The following ARHGAP6 variants were observed in gnomAD, a reference collection of about 807,000 sequenced individuals.
ARHGAP6 encodes Rho GTPase activating protein 6, also known as rho GTPase-activating protein 6.
Under a neutral mutation model 55.7 loss-of-function variants are expected in ARHGAP6, and 16 were observed. The ratio of observed to expected loss-of-function variants is 0.29; its 90% CI spans 0.19 to 0.44. The LOEUF (loss-of-function observed/expected upper bound fraction) is 0.44. Ranked by LOEUF, ARHGAP6 falls within the 20% of genes least tolerant of loss-of-function variation. ARHGAP6 has a pLI of 1.00. For synonymous variants in ARHGAP6, 382 were observed against 360.9 expected, an observed-to-expected ratio of 1.06 and a Z score of -0.66; for missense variants, 698 against 808.9, an observed-to-expected ratio of 0.86 and a Z score of 1.66.
chrX:11,156,797 T>G (rs2045870636), intron 9 of ARHGAP6, among the ~76,000 whole-genome samples, 171 bp from the exon 10 acceptor site: 1 of 112,639 alleles, frequency 8.9e-6, no homozygotes, highest in African/African-American at 3.2e-5. Flanking sequence ...GCTTTAATTC[T>G]TAGGACCAAC....
At chrX:11,353,331 G>A (rs181471278) in intron 1 of ARHGAP6, among the ~76,000 whole-genome samples, 115 of 111,567 alleles carry the variant, frequency 1.0e-3, no homozygotes, top group African/African-American at 3.5e-3. Flanking sequence ...GACAGAAGGG[G>A]ATATTAATTC....
At chrX:11,442,127 GTCA>G (rs1450153512) in intron 1 of ARHGAP6, among the ~76,000 whole-genome samples, 3 of 110,683 alleles carry the variant, frequency 2.7e-5, no homozygotes, top group African/African-American at 9.8e-5. Flanking sequence ...TTAAAAAATT[GTCA>G]TCAATTGCCC....
At chrX:11,543,933 A>G (rs757745430) in intron 1 of ARHGAP6, among the ~76,000 whole-genome samples, 1 of 113,070 alleles carries the variant, frequency 8.8e-6, no homozygotes, top group Admixed American at 9.3e-5. Flanking sequence ...ACAGCAAGGC[A>G]TTAAGAACAG....
chrX:11,345,393 A>G (rs2048767327), intron 1 of ARHGAP6, among the ~76,000 whole-genome samples: 1 of 112,589 alleles, frequency 8.9e-6, no homozygotes, highest in Non-Finnish European at 1.9e-5. Context: ...TTTATTTTAA[A>G]AAAGATAAAA....
chrX:11,407,702 G>A (rs758466515), intron 1 of ARHGAP6, among the ~76,000 whole-genome samples: 2 of 111,547 alleles, frequency 1.8e-5, no homozygotes, highest in African/African-American at 3.3e-5. Context: ...GGTGTAAAGT[G>A]GTATTTCCTT....
intron 1 of ARHGAP6, among the ~76,000 whole-genome samples, chrX:11,373,917 A>T (rs147509255): frequency 3.6e-4 from 40 of 112,297 alleles, no homozygotes; most frequent in African/African-American, 1.3e-3. Context: ...GATAGCAGCC[A>T]CCTACCATTC....
intron 8 of ARHGAP6, among the ~76,000 whole-genome samples, chrX:11,174,616 CTCTTTCTTTTCTTTCTT>C (rs2046162727): frequency 1.5e-5 from 1 of 65,003 alleles, no homozygotes; most frequent in African/African-American, 5.7e-5. Flanking sequence ...TTCTTTCTTT[CTCTTTCTTTTCTTTCTT>C]TCTTTCTTTC....
intron 1 of ARHGAP6, among the ~76,000 whole-genome samples, chrX:11,343,759 TTATATAA>T (rs2048735413): frequency 8.9e-6 from 1 of 111,802 alleles, no homozygotes; most frequent in Admixed American, 9.5e-5. Context: ...ATCCACTGCT[TTATATAA>T]TACACATTGC....
At chrX:11,401,696 G>A (rs1014068544) in intron 1 of ARHGAP6, among the ~76,000 whole-genome samples, 2 of 111,432 alleles carry the variant, frequency 1.8e-5, no homozygotes, top group Non-Finnish European at 3.8e-5. Context: ...GTGACCTAAC[G>A]GCCATTCATA....
intron 2 of ARHGAP6, among the ~76,000 whole-genome samples, chrX:11,213,933 G>T (rs944230736): frequency 1.8e-5 from 2 of 111,435 alleles, no homozygotes; most frequent in Non-Finnish European, 3.8e-5. Flanking sequence ...AAAATTAAAG[G>T]GTTTTTGAAA....
chrX:11,517,343 C>T (rs1377098342), intron 1 of ARHGAP6, among the ~76,000 whole-genome samples: 2 of 111,757 alleles, frequency 1.8e-5, no homozygotes, highest in Admixed American at 9.6e-5. Flanking sequence ...CAGCGTATTA[C>T]GTACTCTCCC....
intron 1 of ARHGAP6, among the ~76,000 whole-genome samples, chrX:11,303,476 A>T (rs987363359): frequency 3.6e-5 from 4 of 112,218 alleles, no homozygotes; most frequent in Non-Finnish European, 7.5e-5. Flanking sequence ...TTACCTCAAT[A>T]AATCACACTT....
intron 1 of ARHGAP6, among the ~76,000 whole-genome samples, chrX:11,511,653 T>C (rs1034831112): frequency 2.7e-5 from 3 of 111,725 alleles, no homozygotes; most frequent in East Asian, 2.8e-4. Flanking sequence ...CCTGGACCCA[T>C]TGATATTTTG....
intron 1 of ARHGAP6, among the ~76,000 whole-genome samples, chrX:11,472,098 T>C (rs1245747942): frequency 1.8e-5 from 2 of 111,186 alleles, no homozygotes; most frequent in East Asian, 5.7e-4. Context: ...AAGCAACAAA[T>C]AAATAGGTTT....
At chrX:11,208,002 C>A (rs1175055751) in intron 2 of ARHGAP6, among the ~76,000 whole-genome samples, 3 of 111,612 alleles carry the variant, frequency 2.7e-5, no homozygotes, top group Non-Finnish European at 5.6e-5. Flanking sequence ...GTTATCGATA[C>A]ATTAGAAAGG....
chrX:11,358,429 G>A (rs1326141365), intron 1 of ARHGAP6, among the ~76,000 whole-genome samples: 2 of 85,469 alleles, frequency 2.3e-5, no homozygotes, highest in Admixed American at 1.3e-4. Context: ...CGTTTTAACT[G>A]TATCTTTCTT....
intron 8 of ARHGAP6, among the ~76,000 whole-genome samples, chrX:11,171,859 T>C (rs1312695557): frequency 9.0e-6 from 1 of 111,474 alleles, no homozygotes; most frequent in Non-Finnish European, 1.9e-5. Context: ...CAACCCACAG[T>C]TGTGACAACC....
intron 1 of ARHGAP6, among the ~76,000 whole-genome samples, chrX:11,402,538 G>A (rs748912895): frequency 9.0e-6 from 1 of 111,425 alleles, no homozygotes; most frequent in African/African-American, 3.3e-5. Flanking sequence ...CTTGTATAGA[G>A]AAGTCTACAA....
At chrX:11,496,173 T>C (rs1032550734) in intron 1 of ARHGAP6, among the ~76,000 whole-genome samples, 4 of 112,479 alleles carry the variant, frequency 3.6e-5, no homozygotes, top group African/African-American at 9.7e-5. Flanking sequence ...ATAATAAATA[T>C]GTATTGTCTT....
Sources: gnomAD v4.1 joint callset for allele counts (sites outside exome capture counted in the v4.1 genomes callset) on GRCh38, gnomAD v4.1.1 for gene constraint, MANE v1.5 for transcripts, NCBI Gene and HGNC (gene_info 2026-07-23, HGNC 2026-07-21) for gene names.